Variants in POU6F2 observed in about 807,000 individuals in gnomAD.
POU6F2 encodes the protein POU domain, class 6, transcription factor 2.
Under a neutral mutation model 71.3 loss-of-function variants are expected in POU6F2, and 31 were observed. The observed-to-expected ratio is 0.43, with a 90% CI of 0.33 to 0.59. The LOEUF (loss-of-function observed/expected upper bound fraction) is 0.59, where lower values mean the gene tolerates loss of function less well. Among genes scored for constraint, POU6F2 ranks in the 20% least tolerant of loss-of-function variants. The pLI is 0.04. For missense variants in POU6F2, 783 were observed against 856.8 expected (o/e 0.91, Z 1.07); for synonymous variants, 347 against 355.7 (o/e 0.98, Z 0.27).
At chr7:39,022,226 TTG>T (rs1789692340) in intron 1 of POU6F2, among the ~76,000 whole-genome samples, 1 of 152,096 alleles carries the variant, frequency 6.6e-6, no homozygotes, top group East Asian at 1.9e-4. Context: ...TATTTCTTAT[TTG>T]TCAATTGTTC....
chr7:39,330,573 C>G (rs1016247859), intron 4 of POU6F2, among the ~76,000 whole-genome samples: 1 of 152,192 alleles, frequency 6.6e-6, no homozygotes, highest in Admixed American at 6.6e-5. Context: ...CAAAAAAATA[C>G]GCAGTGATCA....
chr7:39,175,471 G>A (rs994983960), intron 2 of POU6F2, among the ~76,000 whole-genome samples: 4 of 152,138 alleles, frequency 2.6e-5, no homozygotes, highest in Admixed American at 6.5e-5. Context: ...ATCAAGACAG[G>A]TGTCTAGGGC....
At chr7:39,368,322 C>T (rs1786545120) in intron 5 of POU6F2, among the ~76,000 whole-genome samples, 1 of 152,106 alleles carries the variant, frequency 6.6e-6, no homozygotes, top group Non-Finnish European at 1.5e-5. Flanking sequence ...CCAGCCACAA[C>T]ACTCCCTTAT....
chr7:39,067,189 GCATAATATGCC>G (rs1790775292), intron 1 of POU6F2, among the ~76,000 whole-genome samples: 1 of 144,076 alleles, frequency 6.9e-6, no homozygotes, highest in Non-Finnish European at 1.5e-5. Context: ...AAAAAAGCAA[GCATAATATGCC>G]AATGGATTAT....
chr7:39,150,221 A>ATGTGTGTGTGTG (rs1201037266), intron 2 of POU6F2, among the ~76,000 whole-genome samples: 2 of 48,532 alleles, frequency 4.1e-5, no homozygotes, highest in Non-Finnish European at 7.5e-5. Context: ...GCTGAGTAAT[A>ATGTGTGTGTGTG]TGTCTGTGTG....
Position 39,016,031 on chromosome 7 carries a change from AG to A in POU6F2, c.105+37974del, listed in dbSNP as rs374502398. Among the ~76,000 whole-genome samples, 40 of 34,018 alleles carry A rather than the reference AG, an allele frequency of 1.2e-3. 1 individual carries two copies. Among genetic ancestry groups the A allele is most frequent in the Admixed American group, 2.4e-3 (5 of 2,086 alleles). 22.3% of individuals were successfully genotyped at this position (34,018 alleles called of 152,430 possible). On this transcript the variant is annotated intron_variant, in intron 1 of 9. Transcript: ENST00000518318. ...ATTATATATTATATATATTATATAT[AG>A]ATATATATTATATATTATATATATT...
chr7:39,319,464 A>G (rs533525380), intron 4 of POU6F2, among the ~76,000 whole-genome samples: 38 of 152,258 alleles, frequency 2.5e-4, no homozygotes, highest in African/African-American at 6.5e-4. Flanking sequence ...TCAAATACAG[A>G]TCCTTTAATG....
intron 2 of POU6F2, among the ~76,000 whole-genome samples, chr7:39,189,974 G>T (rs1177081467): frequency 1.3e-5 from 2 of 151,336 alleles, no homozygotes; most frequent in Admixed American, 6.6e-5. Context: ...GCTCACCAAA[G>T]CCCCGACTGC....
intron 1 of POU6F2, among the ~76,000 whole-genome samples, chr7:39,071,159 T>C (rs1252136036): frequency 6.6e-6 from 1 of 152,180 alleles, no homozygotes; most frequent in Non-Finnish European, 1.5e-5. Context: ...GAGCTTGTTT[T>C]CCTGCAACTA....
chr7:39,003,377 T>C (rs965488239), intron 1 of POU6F2, among the ~76,000 whole-genome samples: 2 of 151,966 alleles, frequency 1.3e-5, no homozygotes, highest in Non-Finnish European at 2.9e-5. Flanking sequence ...TAGGAAATAC[T>C]CAGCGACCTG....
intron 5 of POU6F2, among the ~76,000 whole-genome samples, chr7:39,381,687 G>T (rs557657390): frequency 5.4e-4 from 82 of 152,290 alleles, no homozygotes; most frequent in African/African-American, 1.9e-3. Flanking sequence ...AGACTGATTT[G>T]TACATATAGG....
intron 6 of POU6F2, among the ~76,000 whole-genome samples, chr7:39,413,528 A>T (rs922860323): frequency 6.6e-6 from 1 of 152,102 alleles, no homozygotes; most frequent in African/African-American, 2.4e-5. Flanking sequence ...TGCTTAACTA[A>T]TGGTTTTGGC....
chr7:39,421,111 G>T (rs564736841), intron 6 of POU6F2, among the ~76,000 whole-genome samples: 6 of 152,240 alleles, frequency 3.9e-5, no homozygotes, highest in East Asian at 3.9e-4. Context: ...GGATAAGGCT[G>T]CAGATTGTTC....
intron 1 of POU6F2, among the ~76,000 whole-genome samples, chr7:39,037,243 T>C (rs1478062932): frequency 6.6e-6 from 1 of 151,942 alleles, no homozygotes; most frequent in Non-Finnish European, 1.5e-5. Flanking sequence ...ACCCTGAAAA[T>C]TAACCTCATT....
intron 2 of POU6F2, among the ~76,000 whole-genome samples, chr7:39,177,231 G>T (rs1297377225): frequency 6.6e-6 from 1 of 152,170 alleles, no homozygotes; most frequent in African/African-American, 2.4e-5. Context: ...TCCTTTTAAT[G>T]ATTCAGAAGC....
chr7:39,196,664 C>A (rs1355137560), intron 2 of POU6F2, among the ~76,000 whole-genome samples: 2 of 151,814 alleles, frequency 1.3e-5, no homozygotes, highest in Non-Finnish European at 2.9e-5. Context: ...GAGGCTGAGA[C>A]AGGAGAATCG....
intron 4 of POU6F2, among the ~76,000 whole-genome samples, chr7:39,216,788 A>G (rs965083530): frequency 2.0e-5 from 3 of 152,184 alleles, no homozygotes; most frequent in African/African-American, 7.2e-5. Flanking sequence ...AACTAGGAAA[A>G]TCTTTATGGA....
intron 4 of POU6F2, among the ~76,000 whole-genome samples, chr7:39,209,534 GA>G: frequency 6.6e-6 from 1 of 152,264 alleles, no homozygotes; most frequent in East Asian, 1.9e-4. Context: ...CTGGTTATAG[GA>G]AAAGCTTTCT....
intron 4 of POU6F2, among the ~76,000 whole-genome samples, chr7:39,305,425 AT>A (rs960916849): frequency 9.2e-5 from 14 of 152,252 alleles, no homozygotes; most frequent in African/African-American, 3.4e-4. Flanking sequence ...CTTAAACAGT[AT>A]TTTTTTTAAA....
Sources: gnomAD v4.1 joint callset for allele counts (sites outside exome capture counted in the v4.1 genomes callset) on GRCh38, gnomAD v4.1.1 for gene constraint, MANE v1.5 for transcripts, NCBI Gene and HGNC (gene_info 2026-07-23, HGNC 2026-07-21) for gene names.